Variants in VRK3 observed in about 807,000 individuals in gnomAD.
The protein encoded by VRK3 is serine/threonine-protein kinase VRK3.
A neutral mutation model predicts 60.4 loss-of-function variants in VRK3; 50 were observed. The ratio of observed to expected loss-of-function variants is 0.83; its 90% confidence interval spans 0.66 to 1.05. VRK3 has a LOEUF of 1.05. VRK3 is among the 50% of genes least tolerant of loss of function. The pLI, the probability that VRK3 is intolerant of heterozygous loss-of-function variation, is 0.00. For missense variants in VRK3, 549 were observed against 585.3 expected, an observed-to-expected ratio of 0.94 and a Z score of 0.64; for synonymous variants, 246 against 227.8, an observed-to-expected ratio of 1.08 and a Z score of -0.72.
intron 8 of VRK3, 88 bp downstream of exon 8, chr19:49,995,103 C>T (rs776470322): frequency 1.8e-5 from 26 of 1,449,638 alleles, no homozygotes; most frequent in East Asian, 4.6e-5. Flanking sequence ...ACCTGGCCCA[C>T]GGCTTCGGGG....
intron 11 of VRK3, 119 bp downstream of exon 11, chr19:49,989,520 C>T (rs2123087012): frequency 1.5e-6 from 2 of 1,369,252 alleles, no homozygotes; most frequent in East Asian, 5.2e-5. Flanking sequence ...AATCCCTGTC[C>T]TGGCGCCCTT....
intron 5 of VRK3, among the ~76,000 whole-genome samples, chr19:50,006,944 G>A (rs2076901798): frequency 6.6e-6 from 1 of 152,020 alleles, no homozygotes; most frequent in Admixed American, 6.5e-5. Flanking sequence ...CCCTCCTTTG[G>A]GGTGTGCATC....
rs140034863 is a variant in VRK3 at position 50,012,482 on chromosome 19, C to T, written c.140-3097G>A. The stretch of plus-strand genomic sequence containing the variant: ...CTGTCTCATTTCTTACTATAATCCT[C>T]GGGACAAATACAGCACCTCAGCACA... On this transcript the variant is annotated intron_variant, in intron 3 of 14. Coordinates refer to ENST00000316763, the MANE Select transcript of VRK3 (RefSeq NM_016440.4). Among the ~76,000 whole-genome samples the T allele has an allele frequency of 1.9e-4, 29 of 152,262 alleles. 1 individual carries two copies. The East Asian group carries it at 5.4e-3, about 28-fold the overall frequency.
intron 1 of VRK3, among the ~76,000 whole-genome samples, chr19:50,022,742 C>A (rs2077191697): frequency 6.6e-6 from 1 of 152,100 alleles, no homozygotes; most frequent in Admixed American, 6.5e-5. Flanking sequence ...TGCAATGAGC[C>A]AAGATTGCAC....
In VRK3 at chr19:50,016,009, T is replaced by C. The variant is rs1446000395; in HGVS notation, c.139+15A>G. On this transcript the variant is annotated intron_variant, in intron 3 of 14. Transcript: ENST00000316763. ...ATTCCCACCGCAGAAACAGGCTCAA[T>C]GCTCTGGTTCTTACCTTGGAAGGAT... The C allele has an allele frequency of 2.5e-6, 4 of 1,613,994 alleles. No homozygotes were observed. In the East Asian group the frequency reaches 6.7e-5, roughly 27 times the overall value.
intron 3 of VRK3, among the ~76,000 whole-genome samples, chr19:50,013,182 CAAAAA>C (rs1035213817): frequency 1.3e-5 from 2 of 151,752 alleles, no homozygotes; most frequent in African/African-American, 4.8e-5. Flanking sequence ...CAAAACAAAA[CAAAAA>C]AAACACTCTG....
chr19:49,983,988 A>C (rs1600654611), intron 12 of VRK3, among the ~76,000 whole-genome samples: 1 of 152,272 alleles, frequency 6.6e-6, no homozygotes, highest in East Asian at 1.9e-4. Context: ...ACTGTTATCC[A>C]TGCTGCTATC....
At chr19:50,012,638 C>A (rs2122531622) in intron 3 of VRK3, among the ~76,000 whole-genome samples, 1 of 152,268 alleles carries the variant, frequency 6.6e-6, no homozygotes, top group Non-Finnish European at 1.5e-5. Context: ...GTGGCTCATG[C>A]CTGTAATCCC....
intron 3 of VRK3, among the ~76,000 whole-genome samples, chr19:50,015,032 G>A (rs1019910012): frequency 2.6e-5 from 4 of 152,052 alleles, no homozygotes; most frequent in African/African-American, 9.7e-5. Flanking sequence ...GGTGTGTCAC[G>A]GGGTGCGAGA....
chr19:49,992,494 G>A (rs1184077509), intron 10 of VRK3, among the ~76,000 whole-genome samples: 2 of 152,214 alleles, frequency 1.3e-5, no homozygotes, highest in Non-Finnish European at 2.9e-5. Flanking sequence ...GCTTCCAACA[G>A]TATATGAAGA....
Position 49,988,622 on chromosome 19 carries a change from T to C in VRK3, c.1097-130A>G, listed in dbSNP as rs1043958357. On this transcript the variant is annotated intron_variant, in intron 11 of 14. Transcript: ENST00000316763. ...TCATACACCCAGCCTTCCAGCCATA[T>C]GGGCTGTCTCCTCCGCTCATTCACT... The C allele has an allele frequency of 4.6e-5, 58 of 1,268,624 alleles. No homozygotes were observed. In the African/African-American group the frequency reaches 8.5e-4, roughly 19 times the overall value. The allele number at this position is 1,268,624 out of a possible 1,614,324, so 78.6% of individuals were successfully genotyped here.
At chr19:50,013,992 C>G (rs74924314) in intron 3 of VRK3, among the ~76,000 whole-genome samples, 1 of 152,232 alleles carries the variant, frequency 6.6e-6, no homozygotes, top group African/African-American at 2.4e-5. Flanking sequence ...CATGGCTGGG[C>G]GCAGTGGCTC....
intron 3 of VRK3, among the ~76,000 whole-genome samples, chr19:50,011,032 G>A (rs58889703): frequency 0.052 from 7,981 of 152,252 alleles, 690 homozygotes; most frequent in African/African-American, 0.18. Context: ...ATTTTCTGTG[G>A]AACAATTGCT....
At chr19:49,980,357 G>A (rs1366894762) in intron 13 of VRK3, among the ~76,000 whole-genome samples, 1 of 152,160 alleles carries the variant, frequency 6.6e-6, no homozygotes, top group Non-Finnish European at 1.5e-5. Context: ...ATGAAGGATG[G>A]CCCCAGGGTT....
At chr19:50,017,037 A>G (rs1444133487) in intron 2 of VRK3, among the ~76,000 whole-genome samples, 1 of 151,694 alleles carries the variant, frequency 6.6e-6, no homozygotes, top group Non-Finnish European at 1.5e-5. Flanking sequence ...TAAAAATACA[A>G]AAAAAAATTA....
chr19:49,987,511 C>T (rs11879713), intron 12 of VRK3, among the ~76,000 whole-genome samples: 29 of 152,274 alleles, frequency 1.9e-4, no homozygotes, highest in Admixed American at 4.6e-4. Flanking sequence ...TGTCCACCGG[C>T]TTTGGTGCTG....
At position 49,988,480 on chromosome 19, in the gene VRK3, C is replaced by T. The variant is rs369278782; in HGVS notation, c.1109G>A (p.Arg370His). The T allele has an allele frequency of 1.7e-5, 28 of 1,612,958 alleles. No homozygotes were observed. The highest frequency in any genetic ancestry group is 2.7e-5 in the African/African-American group (2 of 75,010). The part of the protein sequence containing the change: ...DLHKGCGPSR[R>H]SDLQSLGYCM... ...GTAGCCCAGGCTCTGGAGGTCGCTG[C>T]GGCGGGAGGGCCCTGGGGAAGGAGG... The change falls in exon 12 of 15, where the codon CGC becomes CAC. Residue 370 changes from arginine (R) to histidine (H), a missense_variant. Transcript: ENST00000316763.
chr19:49,997,391 T>C (rs1252299223), intron 7 of VRK3, 113 bp downstream of exon 7: 21 of 1,201,282 alleles, frequency 1.7e-5, no homozygotes, highest in Admixed American at 8.8e-5. Context: ...GGAGCAAACC[T>C]GGGCCTTTAA....
At chr19:50,009,143 G>A in intron 4 of VRK3, 93 bp downstream of exon 4, 4 of 1,436,772 alleles carry the variant, frequency 2.8e-6, no homozygotes, top group Non-Finnish European at 2.9e-6. Context: ...GATGATGTTT[G>A]AGCCGGGGCT....
Sources: allele counts gnomAD v4.1 joint callset (sites outside exome capture counted in the v4.1 genomes callset), GRCh38; gene constraint gnomAD v4.1.1; transcripts MANE v1.5; gene names NCBI Gene and HGNC (gene_info 2026-07-23, HGNC 2026-07-21).